Variants in ZNF607 observed in about 807,000 individuals in gnomAD.
ZNF607 encodes the protein zinc finger protein 607.
Under a neutral mutation model 12.8 loss-of-function variants are expected in ZNF607, and 5 were observed. The ratio of observed to expected loss-of-function variants is 0.39; its 90% CI spans 0.20 to 0.82. The LOEUF is 0.82. Ranked by LOEUF, ZNF607 falls within the 40% of genes least tolerant of loss-of-function variation. ZNF607 has a pLI of 0.39. For synonymous variants in ZNF607, 287 were observed against 276.2 expected (o/e 1.04, Z -0.39); for missense variants, 851 against 859.2 (o/e 0.99, Z 0.12).
intron 2 of ZNF607, 149 bp downstream of exon 2, chr19:37,711,460 TG>T: frequency 1.3e-6 from 1 of 771,210 alleles, no homozygotes; most frequent in Admixed American, 2.1e-5. Context: ...CTGGGTGATG[TG>T]GTACATATTT....
intron 3 of ZNF607, among the ~76,000 whole-genome samples, chr19:37,709,100 ATATCTATAG>A (rs1453252116): frequency 6.6e-6 from 1 of 152,200 alleles, no homozygotes; most frequent in Non-Finnish European, 1.5e-5. Flanking sequence ...ACAAGAAGAG[ATATCTATAG>A]TATATTCATC....
chr19:37,718,479 CGT>C (rs1287147807), intron 1 of ZNF607, among the ~76,000 whole-genome samples: 3 of 152,074 alleles, frequency 2.0e-5, no homozygotes, highest in Non-Finnish European at 1.5e-5. Context: ...AATTCAAGGC[CGT>C]GTTTGTTAAA....
intron 4 of ZNF607, chr19:37,706,586 GAGGAGGAGGTAA>G (rs1360331900): frequency 2.0e-5 from 3 of 152,200 alleles, no homozygotes; most frequent in Non-Finnish European, 2.9e-5. Flanking sequence ...TAGCTCTGCT[GAGGAGGAGGTAA>G]GGTATTTCAG....
chr19:37,699,483 A>G lies in ZNF607; in HGVS notation c.648T>C (p.His216=). The change falls in exon 5 of 5, where the codon CAT becomes CAC. Residue 216 remains histidine, a synonymous_variant. Transcript: ENST00000355202. Reference sequence around the variant, plus strand: ...AGGGTTTCTCACCATAATGAAATCTATGATGTACAGTAAGTTGACGGCTAG... The same window carrying G: ...AGGGTTTCTCACCATAATGAAATCTGTGATGTACAGTAAGTTGACGGCTAG... ...FRTSRQLTVH[H]RFHYGEKPYE... 2 of 1,613,918 alleles carry G rather than the reference A, an allele frequency of 1.2e-6. No individual in the cohort carries two copies. The highest frequency in any genetic ancestry group is 1.7e-6 in the Non-Finnish European group (2 of 1,179,898).
chr19:37,697,151 A>G lies in ZNF607; in HGVS notation c.*889T>C, dbSNP rs968011440. On this transcript the variant is annotated 3_prime_UTR_variant, in exon 5 of 5. Transcript: ENST00000355202. The stretch of plus-strand genomic sequence containing the variant: ...ACAGTGTGATGTTGACATTCTGTAA[A>G]TCTTTGCTACCAGTGATGACTGGCG... 2 of 743,824 alleles carry G rather than the reference A, an allele frequency of 2.7e-6. No individual in the cohort carries two copies. Among genetic ancestry groups the G allele is most frequent in the Non-Finnish European group, 5.0e-6 (2 of 397,526 alleles). The allele number at this position is 743,824 out of a possible 1,614,324, so 46.1% of individuals were successfully genotyped here.
Position 37,698,416 on chromosome 19 carries a change from T to C in ZNF607, c.1715A>G (p.His572Arg), listed in dbSNP as rs779375947. 4.3e-6 allele frequency: 7 copies of C among 1,614,198 alleles called. No individual in the cohort carries two copies. Among genetic ancestry groups the C allele is most frequent in the South Asian group, 2.2e-5 (2 of 91,080 alleles). The stretch of plus-strand genomic sequence containing the variant: ...GTCATGATATATGAGGCTTGTGGCA[T>C]GACGAAAGGCCTTGCCACATTCCTT... Reference protein sequence around the residue: ...ECKECGKAFRHATSLIYHDRT... With the variant: ...ECKECGKAFRRATSLIYHDRT... The change falls in exon 5 of 5, where the codon CAT (histidine) becomes CGT (arginine). Residue 572 changes from histidine (H) to arginine (R), a missense_variant. Transcript: ENST00000355202.
chr19:37,699,102 C>T lies in ZNF607; in HGVS notation c.1029G>A (p.Gly343=), dbSNP rs750116363. 2 of 1,614,070 alleles carry T rather than the reference C, an allele frequency of 1.2e-6. No individual in the cohort carries two copies. Among genetic ancestry groups the T allele is most frequent in the Non-Finnish European group, 1.7e-6 (2 of 1,180,004 alleles). ...GTTGATGGCCACTACTAAAAGCCTC[C>T]CCATTTTCTTTACATTCATAGTGTT... ...GEKHYECKEN[G]EAFSSGHQLT... The change falls in exon 5 of 5, where the codon GGG becomes GGA. Residue 343 remains glycine, a synonymous_variant. Transcript: ENST00000355202.
rs1279368527 is a variant in ZNF607 at position 37,717,594 on chromosome 19, AAGACCAGCCTGACCCACAT to A, written c.-75+1656_-75+1674del. On this transcript the variant is annotated intron_variant, in intron 1 of 4. Transcript: ENST00000355202. ...GTGGATCACCTGAGGTTGGGAGTTCAAGACCAGCCTGACCCACATGGAGAAACCCCGTCTCTACTAAAAA... is the reference window on the plus strand; with the variant it reads ...GTGGATCACCTGAGGTTGGGAGTTCAGGAGAAACCCCGTCTCTACTAAAAA... 5.7e-3 allele frequency among the ~76,000 whole-genome samples: 859 copies of A among 150,186 alleles called. 10 individuals are homozygous for A. The highest frequency in any genetic ancestry group is 0.02 in the African/African-American group (810 of 40,892).
At position 37,718,563 on chromosome 19, in the gene ZNF607, C is replaced by T. The variant is rs568239683; in HGVS notation, c.-75+706G>A. Among the ~76,000 whole-genome samples the T allele has an allele frequency of 3.9e-5, 6 of 152,288 alleles. No individual in the cohort carries two copies. The South Asian group carries it at 8.3e-4, about 21-fold the overall frequency. ...ACCCTTTTCAGGAGGGAATCCTACA[C>T]TCGAAACTGACAAACCCTGCCAGAC... On this transcript the variant is annotated intron_variant, in intron 1 of 4. Transcript: ENST00000355202.
chr19:37,703,021 C>T (rs529804540), intron 4 of ZNF607, among the ~76,000 whole-genome samples: 158 of 149,152 alleles, frequency 1.1e-3, no homozygotes, highest in African/African-American at 3.6e-3. Flanking sequence ...GGTGTGATCT[C>T]GGCTCACTGC....
chr19:37,701,350 C>A (rs909907051), intron 4 of ZNF607, among the ~76,000 whole-genome samples: 3 of 152,208 alleles, frequency 2.0e-5, no homozygotes, highest in African/African-American at 7.2e-5. Context: ...TCTAAAGCAA[C>A]CTTTTTCGAT....
chr19:37,698,957 G>T lies in ZNF607; in HGVS notation c.1174C>A (p.Pro392Thr), dbSNP rs544748208. The change falls in exon 5 of 5, where the codon CCC (proline) becomes ACC (threonine). Residue 392 changes from proline to threonine, a missense_variant. Coordinates refer to ENST00000355202, the MANE Select transcript of ZNF607 (RefSeq NM_032689.5). Reference protein sequence around the residue: ...RHQGIHSGKKPYECNKCGKSF... With the variant: ...RHQGIHSGKKTYECNKCGKSF... ...TTCCCACATTTGTTACATTCATAGG[G>T]TTTCTTACCACTATGAATACCCTGA... is the stretch of plus-strand genomic sequence containing the variant. 6.2e-7 allele frequency: 1 copy of T among 1,613,874 alleles called. No homozygotes were observed.
At chr19:37,713,307 T>C (rs981491018) in intron 1 of ZNF607, among the ~76,000 whole-genome samples, 5 of 152,048 alleles carry the variant, frequency 3.3e-5, no homozygotes, top group African/African-American at 1.2e-4. Context: ...TTCCTCCTAT[T>C]CAGATTTGAC....
chr19:37,715,439 T>C (rs1185493596), intron 1 of ZNF607, among the ~76,000 whole-genome samples: 1 of 150,844 alleles, frequency 6.6e-6, no homozygotes, highest in Non-Finnish European at 1.5e-5. Context: ...AAACCCCATC[T>C]CTACTAAAAA....
intron 1 of ZNF607, among the ~76,000 whole-genome samples, chr19:37,715,785 A>T (rs2045171903): frequency 6.6e-6 from 1 of 152,116 alleles, no homozygotes; most frequent in Admixed American, 6.6e-5. Context: ...GCCAAATACA[A>T]ACATTTATGT....
chr19:37,714,540 G>C (rs1006969738), intron 1 of ZNF607, among the ~76,000 whole-genome samples: 1 of 142,112 alleles, frequency 7.0e-6, no homozygotes, highest in African/African-American at 2.6e-5. Context: ...CTCCAGCCTG[G>C]ATGGCAGAGT....
intron 4 of ZNF607, among the ~76,000 whole-genome samples, chr19:37,701,083 CT>C (rs1049766198): frequency 3.0e-4 from 46 of 152,154 alleles, no homozygotes; most frequent in African/African-American, 8.9e-4. Context: ...ATTTTACCCC[CT>C]ATCTTGTAAT....
In ZNF607 at chr19:37,702,557, C is replaced by T. The variant is rs142244855; in HGVS notation, c.236-2662G>A. ...CATCAGACTTACTATACAAAAAATG[C>T]TAACAAGTTATTTAGGCCCAAAGAA... On this transcript the variant is annotated intron_variant, in intron 4 of 4. Transcript: ENST00000355202. Among the ~76,000 whole-genome samples the T allele has an allele frequency of 6.3e-3, 952 of 152,196 alleles. 4 individuals carry two copies. The highest frequency in any genetic ancestry group is 0.01 in the Non-Finnish European group (692 of 67,984).
Position 37,698,260 on chromosome 19 carries a change from T to C in ZNF607, c.1871A>G (p.Lys624Arg). 2 of 1,614,200 alleles carry C rather than the reference T, an allele frequency of 1.2e-6. No homozygotes were observed. Among genetic ancestry groups the C allele is most frequent in the Non-Finnish European group, 1.7e-6 (2 of 1,180,042 alleles). Residue 624 changes from lysine (K) to arginine (R), a missense_variant, in exon 5 of 5, where the codon AAG (lysine) becomes AGG (arginine). By Grantham distance (26) the Lys-to-Arg change is conservative. Transcript: ENST00000355202. ...AAGATATGAGGCACAGTGAAATGCC[T>C]TCCCACATCTTTTACATTCATAGGG... Reference protein sequence around the residue: ...DKPYECKRCGKAFHCASYLVR... With the variant: ...DKPYECKRCGRAFHCASYLVR...
Sources: allele counts gnomAD v4.1 joint callset (sites outside exome capture counted in the v4.1 genomes callset), GRCh38; gene constraint gnomAD v4.1.1; transcripts MANE v1.5; gene names NCBI Gene and HGNC (gene_info 2026-07-23, HGNC 2026-07-21).